KCNJ15: variants seen among roughly 807,000 people sequenced by gnomAD.
KCNJ15 encodes the protein ATP-sensitive inward rectifier potassium channel 15.
KCNJ15 carries 14 observed loss-of-function variants against 23.0 expected under a neutral mutation model. The ratio of observed to expected loss-of-function variants is 0.61; its 90% CI spans 0.40 to 0.95. The LOEUF (loss-of-function observed/expected upper bound fraction) is 0.95, where lower values mean the gene tolerates loss of function less well. KCNJ15 is among the 40% of genes least tolerant of loss of function. KCNJ15 has a pLI of 0.00. For synonymous variants in KCNJ15, 185 were observed against 183.2 expected (o/e 1.01, Z -0.08); for missense variants, 388 against 461.8 (o/e 0.84, Z 1.46).
intron 1 of KCNJ15, among the ~76,000 whole-genome samples, chr21:38,234,852 C>T (rs1369653579): frequency 6.6e-6 from 1 of 152,170 alleles, no homozygotes; most frequent in Non-Finnish European, 1.5e-5. Flanking sequence ...CATCCCGAGT[C>T]AGACAAGTAA....
chr21:38,300,606 C>T lies in KCNJ15; in HGVS notation c.*217C>T. Reference sequence around the variant, plus strand: ...GGTGCTTCGTCTGAAAGTGAACTCTCATAATTCAAATTGTATAAAATAAAG... The same window carrying T: ...GGTGCTTCGTCTGAAAGTGAACTCTTATAATTCAAATTGTATAAAATAAAG... On this transcript the variant is annotated 3_prime_UTR_variant, in exon 3 of 3. Coordinates refer to ENST00000398938, the MANE Select transcript of KCNJ15 (RefSeq NM_170736.3). 1.9e-6 allele frequency: 1 copy of T among 525,818 alleles called. No homozygotes were observed. Among genetic ancestry groups the T allele is most frequent in the South Asian group, 3.0e-5 (1 of 33,498 alleles). The allele number at this position is 525,818 out of a possible 1,614,324, so 32.6% of individuals were successfully genotyped here.
At chr21:38,292,067 C>T (rs377366117) in intron 1 of KCNJ15, among the ~76,000 whole-genome samples, 2 of 152,140 alleles carry the variant, frequency 1.3e-5, no homozygotes, top group East Asian at 1.9e-4. Flanking sequence ...CACTGCACCA[C>T]GAGACTCCTT....
In KCNJ15 at chr21:38,301,982, G is replaced by T. The variant is rs903037808; in HGVS notation, c.*1593G>T. On this transcript the variant is annotated 3_prime_UTR_variant, in exon 3 of 3. Coordinates refer to ENST00000398938, the MANE Select transcript of KCNJ15 (RefSeq NM_170736.3). The stretch of plus-strand genomic sequence containing the variant: ...GTCACACACGCACACACACACACAT[G>T]CACACACGCGCGTGCACACACGCAC... The T allele has an allele frequency of 2.0e-5, 3 of 149,698 alleles. No individual in the cohort carries two copies. Among genetic ancestry groups the T allele is most frequent in the Non-Finnish European group, 2.9e-5 (2 of 68,064 alleles). 9.3% of individuals were successfully genotyped at this position (149,698 alleles called of 1,614,324 possible). A position where few individuals can be genotyped will look rare whatever the true frequency, so the allele number is the denominator to read the frequency against.
intron 1 of KCNJ15, among the ~76,000 whole-genome samples, chr21:38,246,659 G>C (rs1367676950): frequency 6.6e-6 from 1 of 152,150 alleles, no homozygotes; most frequent in East Asian, 1.9e-4. Context: ...TATTACAAAG[G>C]AAGCAGAATT....
chr21:38,235,259 A>T (rs994236307), intron 1 of KCNJ15, among the ~76,000 whole-genome samples: 14 of 149,600 alleles, frequency 9.4e-5, no homozygotes, highest in South Asian at 4.2e-4. Context: ...TTTTTTTTTT[A>T]AAGTTGAGCT....
rs138400308 is a variant in KCNJ15, at chr21:38,247,702, C to T, written c.-398-9344C>T. Among the ~76,000 whole-genome samples the T allele has an allele frequency of 3.3e-3, 508 of 152,328 alleles. 1 individual carries two copies. The highest frequency in any genetic ancestry group is 4.9e-3 in the Non-Finnish European group (336 of 68,028). ...TATGCCCATATGTTCTTCATGGCCACATGTAAGGTTAGCCTTATGATGAAA... is the reference window on the plus strand; with the variant it reads ...TATGCCCATATGTTCTTCATGGCCATATGTAAGGTTAGCCTTATGATGAAA... On this transcript the variant is annotated intron_variant, in intron 1 of 4. Coordinates refer to the KCNJ15 transcript ENST00000547341.
At chr21:38,293,896 G>A (rs1250847375) in intron 1 of KCNJ15, among the ~76,000 whole-genome samples, 3 of 152,244 alleles carry the variant, frequency 2.0e-5, no homozygotes, top group Non-Finnish European at 4.4e-5. Context: ...TGGCTGGTAT[G>A]GATGAGTTAA....
rs770741957 is a variant in KCNJ15 at position 38,299,866 on chromosome 21, T to C, written c.605T>C (p.Met202Thr). 6.2e-7 allele frequency: 1 copy of C among 1,614,084 alleles called. No individual in the cohort carries two copies. Among genetic ancestry groups the C allele is most frequent in the Non-Finnish European group, 8.5e-7 (1 of 1,180,032 alleles). Reference protein sequence around the residue: ...KLCLVIQVANMRKSLLIQCQL... With the variant: ...KLCLVIQVANTRKSLLIQCQL... The stretch of plus-strand genomic sequence containing the variant: ...TGCTTGGTGATTCAGGTAGCCAATA[T>C]GAGGAAGAGCCTCTTGATTCAGTGC... Residue 202 changes from methionine to threonine, a missense_variant, in exon 3 of 3, where the codon ATG becomes ACG. Physicochemically the swap from Met to Thr is moderately conservative, Grantham distance 81. Coordinates refer to ENST00000398938, the MANE Select transcript of KCNJ15 (RefSeq NM_170736.3). This position sits in a 1 kb window ranked among gnomAD's most constrained non-coding sequence, Gnocchi z 4.5.
intron 1 of KCNJ15, among the ~76,000 whole-genome samples, chr21:38,234,433 T>C (rs7277013): frequency 0.46 from 70,163 of 152,138 alleles, 16,995 homozygotes; most frequent in East Asian, 0.86. Flanking sequence ...AGCCCTGGGT[T>C]CCTGGCCGAC....
intron 1 of KCNJ15, among the ~76,000 whole-genome samples, chr21:38,241,454 G>A (rs1351910859): frequency 7.2e-5 from 11 of 152,184 alleles, no homozygotes; most frequent in African/African-American, 2.2e-4. Context: ...GTCTGCCGGC[G>A]AATGGCAGAG....
At chr21:38,287,726 C>T (rs543664460) in intron 1 of KCNJ15, among the ~76,000 whole-genome samples, 1 of 152,148 alleles carries the variant, frequency 6.6e-6, no homozygotes, top group Non-Finnish European at 1.5e-5. Context: ...TTTTCTTACA[C>T]TGTACAGTGA....
At chr21:38,238,151 A>C (rs1170025511) in intron 1 of KCNJ15, 2 of 394,384 alleles carry the variant, frequency 5.1e-6, no homozygotes, top group Non-Finnish European at 9.7e-6. Context: ...CAAGTTCTAC[A>C]CGGCCCTGCA....
chr21:38,253,942 G>C (rs1271885875), upstream of KCNJ15, among the ~76,000 whole-genome samples: 2 of 152,166 alleles, frequency 1.3e-5, no homozygotes, highest in Non-Finnish European at 2.9e-5. Flanking sequence ...TTTATCTTCG[G>C]CTAAAAGGTC....
At chr21:38,233,190 C>T (rs1010943216) in intron 1 of KCNJ15, among the ~76,000 whole-genome samples, 7 of 151,906 alleles carry the variant, frequency 4.6e-5, no homozygotes, top group Non-Finnish European at 8.8e-5. Flanking sequence ...GCCCTTTTAT[C>T]ATTATTATGT....
chr21:38,245,684 GGAA>G (rs949322762), intron 1 of KCNJ15, among the ~76,000 whole-genome samples: 323 of 149,494 alleles, frequency 2.2e-3, no homozygotes, highest in African/African-American at 7.7e-3. Context: ...AGAAGGAAAG[GGAA>G]GAAAGAAAGA....
intron 1 of KCNJ15, among the ~76,000 whole-genome samples, chr21:38,230,016 A>C (rs1257060678): frequency 1.3e-5 from 2 of 152,122 alleles, no homozygotes; most frequent in Non-Finnish European, 2.9e-5. Flanking sequence ...ACAAATTTTT[A>C]TGTGGAGGTA....
intron 1 of KCNJ15, among the ~76,000 whole-genome samples, chr21:38,230,412 A>C (rs1196040522): frequency 6.6e-6 from 1 of 152,122 alleles, no homozygotes; most frequent in African/African-American, 2.4e-5. Context: ...AAAATTCTTC[A>C]TGCAGTCTGG....
At position 38,299,986 on chromosome 21, in the gene KCNJ15, C is replaced by T. The variant is rs1028441815; in HGVS notation, c.725C>T (p.Ser242Phe). The T allele has an allele frequency of 5.0e-6, 8 of 1,614,078 alleles. No individual in the cohort carries two copies. Among genetic ancestry groups the T allele is most frequent in the Admixed American group, 1.7e-5 (1 of 60,018 alleles). ...ACTGTCAAATTCCACGTGGACTCCT[C>T]CTCTGAGAGCCCCTTCCTCATTCTG... Reference protein sequence around the residue: ...QATVKFHVDSSSESPFLILPM... With the variant: ...QATVKFHVDSFSESPFLILPM... Residue 242 changes from serine (S) to phenylalanine (F), a missense_variant, in exon 3 of 3, where the codon TCC becomes TTC. Transcript: ENST00000398938. The surrounding 1 kb of genome is among the most constrained non-coding windows in gnomAD (Gnocchi z 4.5).
intron 1 of KCNJ15, among the ~76,000 whole-genome samples, chr21:38,270,925 T>C (rs1180088024): frequency 6.6e-6 from 1 of 152,338 alleles, no homozygotes; most frequent in Non-Finnish European, 1.5e-5. Context: ...GCATGCATCA[T>C]CAGGAATTTC....
Sources: gnomAD v4.1 joint callset for allele counts (sites outside exome capture counted in the v4.1 genomes callset) on GRCh38, gnomAD v4.1.1 for gene constraint, Gnocchi (gnomAD v3.1) non-coding constraint, MANE v1.5 for transcripts, NCBI Gene and HGNC (gene_info 2026-07-23, HGNC 2026-07-21) for gene names.